The following KCND2 variants were observed in gnomAD, a reference collection of about 807,000 sequenced individuals.
KCND2 encodes A-type voltage-gated potassium channel KCND2.
KCND2 carries 16 observed loss-of-function variants against 54.4 expected under a neutral mutation model. That is an observed-to-expected ratio of 0.29 (90% CI 0.20 to 0.45). KCND2 has a LOEUF of 0.45. Ranked by LOEUF, KCND2 falls within the 20% of genes least tolerant of loss-of-function variation. KCND2 has a pLI of 1.00. For synonymous variants in KCND2, 317 were observed against 310.7 expected (o/e 1.02, Z -0.21); for missense variants, 486 against 824.2 (o/e 0.59, Z 5.02).
intron 1 of KCND2, among the ~76,000 whole-genome samples, chr7:120,368,230 T>C (rs995299796): frequency 1.3e-5 from 2 of 152,104 alleles, no homozygotes; most frequent in African/African-American, 4.8e-5. Flanking sequence ...CAGATTCTTC[T>C]GGCGGATCCA....
chr7:120,720,996 T>C (rs1020321226), intron 1 of KCND2, among the ~76,000 whole-genome samples: 1 of 152,172 alleles, frequency 6.6e-6, no homozygotes, highest in South Asian at 2.1e-4. Context: ...ACTTAGAATG[T>C]GGGATATATG....
At chr7:120,511,239 T>C (rs557593542) in intron 1 of KCND2, among the ~76,000 whole-genome samples, 4 of 152,146 alleles carry the variant, frequency 2.6e-5, no homozygotes, top group African/African-American at 9.6e-5. Context: ...AAGGAGATCT[T>C]CCCAAATCTT....
intron 1 of KCND2, among the ~76,000 whole-genome samples, chr7:120,605,529 C>T (rs1301333130): frequency 6.6e-6 from 1 of 152,114 alleles, no homozygotes; most frequent in Non-Finnish European, 1.5e-5. Context: ...TTTTGACATT[C>T]ATGTATAAGA....
At chr7:120,401,810 A>G (rs566015402) in intron 1 of KCND2, among the ~76,000 whole-genome samples, 13 of 152,120 alleles carry the variant, frequency 8.5e-5, no homozygotes, top group African/African-American at 2.9e-4. Context: ...TTTTCCATCA[A>G]TTTTGAGTCT....
chr7:120,733,040 G>A lies in KCND2; in HGVS notation c.1253G>A (p.Arg418Gln), dbSNP rs1167154482. ...NFSRIYHQNQRADKRRAQKKA... is the reference protein window; with the variant it reads ...NFSRIYHQNQQADKRRAQKKA... ...AGTCGCATCTACCACCAGAATCAAC[G>A]AGCAGACAAACGAAGGGCACAAAAG... Residue 418 changes from arginine to glutamine, a missense_variant, in exon 2 of 6, where the codon CGA becomes CAA. By Grantham distance (43) the Arg-to-Gln change is conservative. Transcript: ENST00000331113. 3.7e-6 allele frequency: 6 copies of A among 1,613,504 alleles called. No individual in the cohort carries two copies. Among genetic ancestry groups the A allele is most frequent in the Non-Finnish European group, 5.1e-6 (6 of 1,179,688 alleles).
chr7:120,362,733 A>C, intron 1 of KCND2, among the ~76,000 whole-genome samples: 1 of 152,086 alleles, frequency 6.6e-6, no homozygotes, highest in East Asian at 1.9e-4. Flanking sequence ...AAGATTCTTA[A>C]AAGTCTGTAA....
chr7:120,383,134 A>C (rs184847314), intron 1 of KCND2, among the ~76,000 whole-genome samples: 1 of 152,132 alleles, frequency 6.6e-6, no homozygotes, highest in African/African-American at 2.4e-5. Context: ...TCTGAAATTA[A>C]TTCTGAGTGA....
intron 1 of KCND2, among the ~76,000 whole-genome samples, chr7:120,640,487 A>C (rs66521258): frequency 6.6e-6 from 1 of 152,036 alleles, no homozygotes; most frequent in African/African-American, 2.4e-5. Flanking sequence ...ATTTGCATCA[A>C]CGTGCATTTC....
chr7:120,669,272 T>G (rs1444225499), intron 1 of KCND2, among the ~76,000 whole-genome samples: 8 of 151,290 alleles, frequency 5.3e-5, no homozygotes, highest in Admixed American at 5.3e-4. Flanking sequence ...AATATCTTGA[T>G]TTTTTCCCAT....
intron 1 of KCND2, among the ~76,000 whole-genome samples, chr7:120,615,979 T>A (rs1019478999): frequency 1.1e-4 from 16 of 152,210 alleles, no homozygotes; most frequent in African/African-American, 3.9e-4. Flanking sequence ...CAGCCTTTAC[T>A]TCTGTTTATC....
chr7:120,561,447 A>G (rs1792231042), intron 1 of KCND2, among the ~76,000 whole-genome samples: 1 of 152,034 alleles, frequency 6.6e-6, no homozygotes, highest in African/African-American at 2.4e-5. Flanking sequence ...CCTCAAACCA[A>G]TCCTATGAGG....
chr7:120,346,555 T>A lies in KCND2; in HGVS notation c.1115+70808T>A, dbSNP rs536598196. Among the ~76,000 whole-genome samples, 73 of 152,266 alleles carry A rather than the reference T, an allele frequency of 4.8e-4. 1 individual carries two copies. The South Asian group carries it at 0.015, about 31-fold the overall frequency. ...TCTTGACATAATAAAAACAAAGACA[T>A]TTTAAATAAACGATTAACTTTTCAG... On this transcript the variant is annotated intron_variant, in intron 1 of 5. Transcript: ENST00000331113.
chr7:120,351,396 ACACACACACACACACACT>A (rs1800401407), intron 1 of KCND2, among the ~76,000 whole-genome samples: 1 of 148,902 alleles, frequency 6.7e-6, no homozygotes, highest in African/African-American at 2.5e-5. Flanking sequence ...ACACACACAC[ACACACACACACACACACT>A]CTCTCTCTCT....
At chr7:120,532,677 A>G (rs1243803109) in intron 1 of KCND2, among the ~76,000 whole-genome samples, 1 of 152,046 alleles carries the variant, frequency 6.6e-6, no homozygotes, top group African/African-American at 2.4e-5. Flanking sequence ...CCAAAAAACC[A>G]TTAAAATACA....
chr7:120,352,496 AC>A (rs1452320339), intron 1 of KCND2, among the ~76,000 whole-genome samples: 13 of 133,308 alleles, frequency 9.8e-5, no homozygotes, highest in Non-Finnish European at 1.8e-4. Context: ...ACACACACAC[AC>A]AACATTCATG....
At chr7:120,315,773 T>C (rs1359244161) in intron 1 of KCND2, among the ~76,000 whole-genome samples, 7 of 7,490 alleles carry the variant, frequency 9.3e-4, no homozygotes, top group African/African-American at 1.4e-3. Context: ...GCAGTGTGTG[T>C]GTGTGTGTGT....
At position 120,439,313 on chromosome 7, in the gene KCND2, A is replaced by G. The variant is rs185637410; in HGVS notation, c.1115+163566A>G. ...CTCTTTGTTCTGAAATATTTAATCG[A>G]AATAGTGATGTTAGGAGAAATAATT... On this transcript the variant is annotated intron_variant, in intron 1 of 5. Coordinates refer to ENST00000331113, the MANE Select transcript of KCND2 (RefSeq NM_012281.3). 2.0e-5 allele frequency among the ~76,000 whole-genome samples: 3 copies of G among 152,156 alleles called. No homozygotes were observed. The East Asian group carries it at 5.8e-4, about 29-fold the overall frequency.
At chr7:120,526,687 A>C (rs1791780852) in intron 1 of KCND2, among the ~76,000 whole-genome samples, 1 of 152,180 alleles carries the variant, frequency 6.6e-6, no homozygotes, top group African/African-American at 2.4e-5. Context: ...TTCATTATTA[A>C]ATGCCAAGTT....
At chr7:120,547,213 G>A (rs74767343) in intron 1 of KCND2, among the ~76,000 whole-genome samples, 8 of 152,036 alleles carry the variant, frequency 5.3e-5, no homozygotes, top group African/African-American at 1.9e-4. Flanking sequence ...GTCAAAGATA[G>A]AGAGATAAAT....
Sources: gnomAD v4.1 joint callset for allele counts (sites outside exome capture counted in the v4.1 genomes callset) on GRCh38, gnomAD v4.1.1 for gene constraint, MANE v1.5 for transcripts, NCBI Gene and HGNC (gene_info 2026-07-23, HGNC 2026-07-21) for gene names.